DGKK: variants seen among roughly 807,000 people sequenced by gnomAD.
The protein encoded by DGKK is diacylglycerol kinase kappa.
In DGKK, 35 loss-of-function variants were observed where a neutral mutation model predicts 92.2. That is an observed-to-expected ratio of 0.38 (90% CI 0.29 to 0.50). The LOEUF (loss-of-function observed/expected upper bound fraction) is 0.50, where lower values mean the gene tolerates loss of function less well. Among genes scored for constraint, DGKK ranks in the 20% least tolerant of loss-of-function variants. DGKK has a pLI of 0.92. For synonymous variants in DGKK, 368 were observed against 360.6 expected, an observed-to-expected ratio of 1.02 and a Z score of -0.23; for missense variants, 910 against 992.2, an observed-to-expected ratio of 0.92 and a Z score of 1.11.
intron 3 of DGKK, among the ~76,000 whole-genome samples, chrX:50,421,854 T>A (rs1222071246): frequency 1.8e-5 from 2 of 111,691 alleles, no homozygotes; most frequent in African/African-American, 6.5e-5. Flanking sequence ...GAGAAGACAA[T>A]TCTGGAAGGA....
Position 50,470,580 on chromosome X carries a change from C to T in DGKK, c.99G>A (p.Pro33=). 1 of 1,199,744 alleles carries T rather than the reference C, an allele frequency of 8.3e-7. No homozygotes were observed. The highest frequency in any genetic ancestry group is 1.1e-6 in the Non-Finnish European group (1 of 891,980). Reference sequence around the variant, plus strand: ...CCGGCGGCGGAGCCGGTGGTGGTGGCGGCGGCGGCCAAGGCGGCGGAGGCT... The same window carrying T: ...CCGGCGGCGGAGCCGGTGGTGGTGGTGGCGGCGGCCAAGGCGGCGGAGGCT... ...SPEPPPPWPP[P]PPPPAPPPAP... Residue 33 remains proline, a synonymous_variant, in exon 1 of 28, where the codon CCG becomes CCA. Coordinates refer to ENST00000611977, the MANE Select transcript of DGKK (RefSeq NM_001013742.4).
At chrX:50,370,970 C>T (rs1389329027) in intron 26 of DGKK, among the ~76,000 whole-genome samples, 1 of 112,506 alleles carries the variant, frequency 8.9e-6, no homozygotes, top group Non-Finnish European at 1.9e-5. Context: ...AACACCTCTT[C>T]CTTCAGACAT....
At position 50,445,233 on chromosome X, in the gene DGKK, C is replaced by G. The variant is rs782782805; in HGVS notation, c.646-20875G>C. Among the ~76,000 whole-genome samples, 13 of 103,119 alleles carry G rather than the reference C, an allele frequency of 1.3e-4. No individual in the cohort carries two copies. In the South Asian group the frequency reaches 5.7e-3, roughly 46 times the overall value. The allele number at this position is 103,119 out of a possible 115,157, so 89.5% of individuals were successfully genotyped here. On this transcript the variant is annotated intron_variant, in intron 1 of 27. Coordinates refer to ENST00000611977, the MANE Select transcript of DGKK (RefSeq NM_001013742.4). ...ATATTTTTCCCATTCTGTAGGTTGT[C>G]TGTTTACTCTGTTGATAGTTTCTTT...
intron 1 of DGKK, among the ~76,000 whole-genome samples, chrX:50,425,566 C>G (rs1473891651): frequency 9.1e-6 from 1 of 110,224 alleles, no homozygotes; most frequent in East Asian, 2.8e-4. Context: ...CACACGTACT[C>G]ATACACACAC....
At chrX:50,422,176 C>T (rs1925609282) in intron 3 of DGKK, among the ~76,000 whole-genome samples, 1 of 111,577 alleles carries the variant, frequency 9.0e-6, no homozygotes, top group East Asian at 2.8e-4. Context: ...TTCTAAATCA[C>T]CTTCACTGGG....
At chrX:50,456,435 C>G (rs1295499190) in intron 1 of DGKK, among the ~76,000 whole-genome samples, 4 of 111,676 alleles carry the variant, frequency 3.6e-5, no homozygotes, top group Admixed American at 1.9e-4. Flanking sequence ...GAGTCAAGAG[C>G]TTTTCAATTA....
intron 25 of DGKK, 27 bp from the exon 26 acceptor site, chrX:50,371,861 T>A: frequency 1.0e-6 from 1 of 1,001,523 alleles, no homozygotes; most frequent in Non-Finnish European, 1.4e-6. Context: ...AAAGAGTAAG[T>A]GTCCAATGCC....
chrX:50,464,189 GT>G (rs1926834903), intron 1 of DGKK, among the ~76,000 whole-genome samples: 1 of 99,712 alleles, frequency 1.0e-5, no homozygotes, highest in African/African-American at 3.7e-5. Context: ...ATGGGTCTTT[GT>G]GACATTGAAG....
Position 50,388,583 on chromosome X carries a change from G to A in DGKK, c.1962C>T (p.Thr654=), listed in dbSNP as rs367649149. Residue 654 remains threonine, a synonymous_variant, in exon 13 of 28, where the codon ACC becomes ACT. Transcript: ENST00000611977. ...TGGCCTTCAGGATTTTGTTCAACTC[G>A]GTGGCTGCAGATTCTAAGTGTTGGA... ...AAIQHLESAA[T]ELNKILKAKY... is the part of the protein sequence containing the mutation. 1.9e-4 allele frequency: 231 copies of A among 1,205,755 alleles called. No individual in the cohort carries two copies. The highest frequency in any genetic ancestry group is 2.4e-4 in the Non-Finnish European group (216 of 893,246).
Position 50,376,106 on chromosome X carries a change from G to T in DGKK, c.3332C>A (p.Ala1111Asp). 1 of 1,211,017 alleles carries T rather than the reference G, an allele frequency of 8.3e-7. No individual in the cohort carries two copies. The highest frequency in any genetic ancestry group is 1.1e-6 in the Non-Finnish European group (1 of 895,039). ...TATATCATTCAGGATGTTAGCGCTG[G>T]CATTCACAGAACCCATGAGGACAGA... ...HVSVLMGSVN[A>D]SANILNDIFY... is the part of the protein sequence containing the mutation. Residue 1111 changes from alanine to aspartate, a missense_variant, in exon 24 of 28, where the codon GCC becomes GAC. Physicochemically the swap from Ala to Asp is moderately radical, Grantham distance 126 (BLOSUM62 -2). Coordinates refer to ENST00000611977, the MANE Select transcript of DGKK (RefSeq NM_001013742.4).
intron 3 of DGKK, among the ~76,000 whole-genome samples, chrX:50,421,238 G>A (rs1925578726): frequency 9.0e-6 from 1 of 111,681 alleles, no homozygotes; most frequent in African/African-American, 3.3e-5. Context: ...ACCATGGGCA[G>A]GACTTGATCT....
At chrX:50,432,868 TC>T (rs1307556225) in intron 1 of DGKK, among the ~76,000 whole-genome samples, 7 of 111,531 alleles carry the variant, frequency 6.3e-5, no homozygotes, top group Non-Finnish European at 1.3e-4. Context: ...TCTCTGCCCC[TC>T]CCCCCTTCTT....
chrX:50,430,617 A>C (rs1331335370), intron 1 of DGKK, among the ~76,000 whole-genome samples: 1 of 111,667 alleles, frequency 9.0e-6, no homozygotes. Context: ...TGTTCACACA[A>C]AATGGTCTTT....
intron 1 of DGKK, among the ~76,000 whole-genome samples, chrX:50,461,395 A>G (rs1342754791): frequency 1.8e-5 from 2 of 112,635 alleles, no homozygotes; most frequent in Admixed American, 1.9e-4. Context: ...GCAAATATTC[A>G]GAGAAAATAA....
rs782775724 is a variant in DGKK at position 50,366,423 on chromosome X, C to T, written c.*2517G>A. ...CTCTAGCCCCAAATACTAGTGGTTTCAGTCAATATCATTCTGACTCAGAGT... is the reference window on the plus strand; with the variant it reads ...CTCTAGCCCCAAATACTAGTGGTTTTAGTCAATATCATTCTGACTCAGAGT... On this transcript the variant is annotated 3_prime_UTR_variant, in exon 28 of 28. Transcript: ENST00000611977. 2.7e-5 allele frequency: 3 copies of T among 111,706 alleles called. No individual in the cohort carries two copies. Among genetic ancestry groups the T allele is most frequent in the African/African-American group, 6.5e-5 (2 of 30,768 alleles). 9.2% of individuals were successfully genotyped at this position (111,706 alleles called of 1,213,427 possible).
chrX:50,456,775 T>A (rs149196801), intron 1 of DGKK, among the ~76,000 whole-genome samples: 140 of 111,104 alleles, frequency 1.3e-3, no homozygotes, highest in African/African-American at 4.4e-3. Context: ...TCTGTGTGAG[T>A]TAGAAAAATC....
intron 1 of DGKK, among the ~76,000 whole-genome samples, chrX:50,431,595 A>G (rs1425354521): frequency 8.9e-6 from 1 of 111,763 alleles, no homozygotes; most frequent in African/African-American, 3.3e-5. Flanking sequence ...TGAGAAGGCC[A>G]GCTTTCTGTC....
intron 18 of DGKK, among the ~76,000 whole-genome samples, chrX:50,381,534 G>C (rs1427955017): frequency 8.9e-6 from 1 of 111,800 alleles, no homozygotes; most frequent in Non-Finnish European, 1.9e-5. Context: ...GATATCCACA[G>C]GCAAAAAGAT....
rs1602296853 is a variant in DGKK, at chrX:50,440,221, C to T, written c.646-15863G>A. ...CTGCCATAACTGAGGCATCACCATT[C>T]ACCTGGTGTCAATGTATTCTAGTCA... On this transcript the variant is annotated intron_variant, in intron 1 of 27. Transcript: ENST00000611977. Among the ~76,000 whole-genome samples the T allele has an allele frequency of 2.7e-5, 3 of 111,981 alleles. No individual in the cohort carries two copies. The Admixed American group carries it at 2.8e-4, about 11-fold the overall frequency.
Sources: gnomAD v4.1 joint callset for allele counts (sites outside exome capture counted in the v4.1 genomes callset) on GRCh38, gnomAD v4.1.1 for gene constraint, MANE v1.5 for transcripts, NCBI Gene and HGNC (gene_info 2026-07-23, HGNC 2026-07-21) for gene names.